CLDN10: variants seen among roughly 807,000 people sequenced by gnomAD.
The protein encoded by CLDN10 is claudin-10.
Under a neutral mutation model 22.9 loss-of-function variants are expected in CLDN10, and 15 were observed. That is an observed-to-expected ratio of 0.65 (90% CI 0.44 to 1.01). The LOEUF (loss-of-function observed/expected upper bound fraction) is 1.01. CLDN10 is among the 50% of genes least tolerant of loss of function. The pLI, the probability that CLDN10 is intolerant of heterozygous loss-of-function variation, is 0.00. For synonymous variants in CLDN10, 114 were observed against 111.4 expected (o/e 1.02, Z -0.15); for missense variants, 247 against 287.8 (o/e 0.86, Z 1.03).
At chr13:95,462,911 T>G (rs977167441) in intron 1 of CLDN10, among the ~76,000 whole-genome samples, 1 of 152,156 alleles carries the variant, frequency 6.6e-6, no homozygotes. Context: ...AGAAAAACAA[T>G]CTACGGGCTC....
At chr13:95,450,037 C>T (rs897203487) in intron 1 of CLDN10, among the ~76,000 whole-genome samples, 43 of 151,950 alleles carry the variant, frequency 2.8e-4, no homozygotes, top group Non-Finnish European at 5.6e-4. Flanking sequence ...CCACCACGCC[C>T]GGCCTTAAAA....
chr13:95,486,489 C>T (rs747775130), intron 1 of CLDN10, among the ~76,000 whole-genome samples: 132 of 148,276 alleles, frequency 8.9e-4, no homozygotes, highest in Non-Finnish European at 1.2e-3. Flanking sequence ...CACCACTGCA[C>T]TCCAGCCTGG....
At chr13:95,536,856 A>G (rs1335975561) in intron 1 of CLDN10, among the ~76,000 whole-genome samples, 1 of 152,210 alleles carries the variant, frequency 6.6e-6, no homozygotes, top group African/African-American at 2.4e-5. Context: ...AGAGGGCGCA[A>G]ATTTCTCATG....
chr13:95,498,950 T>C (rs180831689), intron 1 of CLDN10, among the ~76,000 whole-genome samples: 11 of 152,370 alleles, frequency 7.2e-5, no homozygotes, highest in Middle Eastern at 3.4e-3. Flanking sequence ...TGACTCTTGA[T>C]ACCTCGTATA....
rs538179671 is a variant in CLDN10, at chr13:95,449,455, T to G, written c.214+15408T>G. 7.2e-5 allele frequency among the ~76,000 whole-genome samples: 11 copies of G among 152,236 alleles called. No individual in the cohort carries two copies. In the South Asian group the frequency reaches 2.3e-3, roughly 32 times the overall value. On this transcript the variant is annotated intron_variant, in intron 1 of 4. Transcript: ENST00000376873. Reference sequence around the variant, plus strand: ...TAGTAGAGATGGGGTTTCACCATGTTGGCCAGACTGGTCTCGAACTCCTGA... The same window carrying G: ...TAGTAGAGATGGGGTTTCACCATGTGGGCCAGACTGGTCTCGAACTCCTGA...
intron 1 of CLDN10, among the ~76,000 whole-genome samples, chr13:95,489,780 A>C (rs758265502): frequency 2.0e-5 from 3 of 152,184 alleles, no homozygotes; most frequent in Non-Finnish European, 4.4e-5. Context: ...CTTGGTCATG[A>C]AATCCTTGCC....
intron 4 of CLDN10, 95 bp from the exon 5 acceptor site, chr13:95,577,805 T>C: frequency 1.4e-6 from 1 of 691,438 alleles, no homozygotes; most frequent in Admixed American, 2.8e-5. Flanking sequence ...GATTTACATT[T>C]AGATATTGGC....
chr13:95,520,292 T>A (rs2043211396), intron 1 of CLDN10, among the ~76,000 whole-genome samples: 1 of 152,252 alleles, frequency 6.6e-6, no homozygotes, highest in Non-Finnish European at 1.5e-5. Flanking sequence ...ATTTAAGACA[T>A]TCTGCATAGA....
chr13:95,518,202 AGCAT>A (rs1423209716), intron 1 of CLDN10, among the ~76,000 whole-genome samples: 1 of 152,202 alleles, frequency 6.6e-6, no homozygotes, highest in East Asian at 1.9e-4. Context: ...AGTGATTAGA[AGCAT>A]GCCTAGCACA....
At chr13:95,573,738 TG>T (rs2043890280) in intron 3 of CLDN10, among the ~76,000 whole-genome samples, 2 of 151,748 alleles carry the variant, frequency 1.3e-5, no homozygotes, top group Non-Finnish European at 2.9e-5. Context: ...TGTGTGTGTG[TG>T]TGTACCTCTA....
chr13:95,552,657 C>T, upstream of CLDN10: 1 of 1,371,468 alleles, frequency 7.3e-7, no homozygotes, highest in Non-Finnish European at 9.5e-7. Context: ...GGACGGTGGG[C>T]GGAGGCGGAG....
chr13:95,477,858 G>A (rs1241012379), intron 1 of CLDN10, among the ~76,000 whole-genome samples: 1 of 152,192 alleles, frequency 6.6e-6, no homozygotes, highest in African/African-American at 2.4e-5. Context: ...ACAGATGGAG[G>A]AGGAGGAGGA....
rs55861640 is a variant in CLDN10, at chr13:95,570,858, GTATATATATATA to G, written c.465-6358_465-6347del. On this transcript the variant is annotated intron_variant, in intron 3 of 4. Coordinates refer to ENST00000299339, the MANE Select transcript of CLDN10 (RefSeq NM_006984.5). Reference sequence around the variant, plus strand: ...CACACACACACACACATATACGTGTGTATATATATATATATATATATATATAGACCAGTTTTA... The same window carrying G: ...CACACACACACACACATATACGTGTGTATATATATATATAGACCAGTTTTA... Among the ~76,000 whole-genome samples the G allele has an allele frequency of 1.8e-4, 22 of 119,726 alleles. 1 individual carries two copies. The highest frequency in any genetic ancestry group is 6.1e-4 in the African/African-American group (18 of 29,590). 78.5% of individuals were successfully genotyped at this position (119,726 alleles called of 152,430 possible).
At chr13:95,560,512 AT>A in intron 3 of CLDN10, 49 bp downstream of exon 3, 1 of 1,420,702 alleles carries the variant, frequency 7.0e-7, no homozygotes, top group Non-Finnish European at 9.9e-7. Context: ...GTGTATATAA[AT>A]TAATATTCTC....
intron 1 of CLDN10, among the ~76,000 whole-genome samples, chr13:95,447,802 C>G (rs889572816): frequency 6.6e-6 from 1 of 151,506 alleles, no homozygotes; most frequent in African/African-American, 2.4e-5. Context: ...GAAAAATATG[C>G]ATGTTATCCT....
chr13:95,472,146 T>C (rs1260901369), intron 1 of CLDN10, among the ~76,000 whole-genome samples: 1 of 152,042 alleles, frequency 6.6e-6, no homozygotes, highest in Non-Finnish European at 1.5e-5. Context: ...CTTCTCAGTT[T>C]TGCTTTGAGT....
intron 1 of CLDN10, among the ~76,000 whole-genome samples, chr13:95,474,756 T>C (rs2139106639): frequency 6.6e-6 from 1 of 151,840 alleles, no homozygotes; most frequent in South Asian, 2.1e-4. Context: ...TAGAGATTGA[T>C]AAGTGCTCCA....
At chr13:95,569,129 T>C (rs1446295151) in intron 3 of CLDN10, among the ~76,000 whole-genome samples, 1 of 152,210 alleles carries the variant, frequency 6.6e-6, no homozygotes, top group Non-Finnish European at 1.5e-5. Context: ...CTGACCCTAA[T>C]GCACAGTATA....
chr13:95,455,248 A>T (rs1291259042), intron 1 of CLDN10, among the ~76,000 whole-genome samples: 1 of 152,080 alleles, frequency 6.6e-6, no homozygotes, highest in Non-Finnish European at 1.5e-5. Context: ...CCTATTGGCC[A>T]GTGGCCACAG....
Sources: allele counts gnomAD v4.1 joint callset (sites outside exome capture counted in the v4.1 genomes callset), GRCh38; gene constraint gnomAD v4.1.1; transcripts MANE v1.5; gene names NCBI Gene and HGNC (gene_info 2026-07-23, HGNC 2026-07-21).